The following MTUS2 variants were observed in gnomAD, a reference collection of about 807,000 sequenced individuals.
MTUS2 encodes the protein microtubule associated scaffold protein 2.
A neutral mutation model predicts 114.1 loss-of-function variants in MTUS2; 40 were observed. The observed-to-expected ratio is 0.35, with a 90% CI of 0.27 to 0.46. The LOEUF is 0.46. MTUS2 is among the 20% of genes least tolerant of loss of function. The pLI is 1.00. For missense variants in MTUS2, 1,679 were observed against 1,705.4 expected, an observed-to-expected ratio of 0.98 and a Z score of 0.27; for synonymous variants, 688 against 672.0, an observed-to-expected ratio of 1.02 and a Z score of -0.37.
intron 5 of MTUS2, among the ~76,000 whole-genome samples, chr13:29,130,226 A>G (rs567006912): frequency 9.2e-5 from 14 of 152,250 alleles, no homozygotes; most frequent in Non-Finnish European, 1.8e-4. Flanking sequence ...CTCCACTCCA[A>G]AATCTCCAGC....
chr13:29,103,105 A>T (rs924153810), intron 5 of MTUS2, among the ~76,000 whole-genome samples: 6 of 152,122 alleles, frequency 3.9e-5, no homozygotes, highest in African/African-American at 1.2e-4. Flanking sequence ...TTATTTTCAC[A>T]TAGGATTCAT....
intron 8 of MTUS2, among the ~76,000 whole-genome samples, chr13:29,422,648 CTTTTT>C (rs11342823): frequency 2.9e-5 from 2 of 67,964 alleles, no homozygotes; most frequent in Admixed American, 2.2e-4. Flanking sequence ...GATTTCTTTT[CTTTTT>C]TTTTTTTTTT....
chr13:29,068,236 T>C (rs1489028411), intron 4 of MTUS2, among the ~76,000 whole-genome samples: 1 of 152,246 alleles, frequency 6.6e-6, no homozygotes, highest in East Asian at 1.9e-4. Flanking sequence ...CATTTCTACA[T>C]ATTATTGAAA....
At chr13:29,238,526 G>T (rs553214283) in intron 5 of MTUS2, among the ~76,000 whole-genome samples, 1 of 152,304 alleles carries the variant, frequency 6.6e-6, no homozygotes, top group African/African-American at 2.4e-5. Context: ...TCAAGAATTT[G>T]GAATGTGATG....
At chr13:28,857,892 C>G (rs1876735761) in intron 2 of MTUS2, among the ~76,000 whole-genome samples, 1 of 152,186 alleles carries the variant, frequency 6.6e-6, no homozygotes, top group Non-Finnish European at 1.5e-5. Context: ...TGAGTCTCTG[C>G]TACATGCCCT....
At chr13:29,329,634 AG>A (rs1900682738) in intron 7 of MTUS2, among the ~76,000 whole-genome samples, 1 of 82,402 alleles carries the variant, frequency 1.2e-5, no homozygotes, top group Non-Finnish European at 2.3e-5. Flanking sequence ...TTTTTTTTTG[AG>A]ATGAAGTCTC....
intron 8 of MTUS2, among the ~76,000 whole-genome samples, chr13:29,371,689 C>G (rs1204567540): frequency 6.6e-6 from 1 of 152,064 alleles, no homozygotes; most frequent in Non-Finnish European, 1.5e-5. Flanking sequence ...TAAGAAAATT[C>G]CAATCAAATA....
intron 9 of MTUS2, among the ~76,000 whole-genome samples, chr13:29,471,735 A>T (rs1179525139): frequency 7.3e-6 from 1 of 136,486 alleles, no homozygotes; most frequent in Non-Finnish European, 1.6e-5. Flanking sequence ...TCTGCTCTGC[A>T]GGCCCAGCCC....
chr13:29,485,650 G>A (rs1593502690), intron 10 of MTUS2, among the ~76,000 whole-genome samples: 1 of 152,146 alleles, frequency 6.6e-6, no homozygotes, highest in Admixed American at 6.5e-5. Flanking sequence ...AATGGGCGTG[G>A]TATTCCATCA....
intron 8 of MTUS2, among the ~76,000 whole-genome samples, chr13:29,414,319 G>T (rs1276775723): frequency 3.1e-5 from 3 of 98,102 alleles, no homozygotes; most frequent in Non-Finnish European, 6.0e-5. Flanking sequence ...GTCGGGGGAG[G>T]GGGGAGGGAT....
chr13:29,462,511 GGGT>G lies in MTUS2; in HGVS notation c.3185-17628_3185-17626del, dbSNP rs1879574888. 2.0e-5 allele frequency among the ~76,000 whole-genome samples: 3 copies of G among 152,182 alleles called. No homozygotes were observed. The South Asian group carries it at 6.2e-4, about 32-fold the overall frequency. On this transcript the variant is annotated intron_variant, in intron 9 of 15. Coordinates refer to ENST00000612955, the MANE Select transcript of MTUS2 (RefSeq NM_001033602.4). ...TGAGAGATAGTGGTGGCTGCAGCCA[GGGT>G]GGTGGTGGTGAGGAGGGGAGATGTG...
chr13:28,980,786 T>G (rs1028735842), intron 2 of MTUS2, among the ~76,000 whole-genome samples: 3 of 152,244 alleles, frequency 2.0e-5, no homozygotes, highest in Non-Finnish European at 4.4e-5. Flanking sequence ...TGTTTGTTTG[T>G]TTTTTAGAAC....
At chr13:29,158,358 C>CCCCCCCCCCTT in intron 5 of MTUS2, among the ~76,000 whole-genome samples, 8 of 32,056 alleles carry the variant, frequency 2.5e-4, no homozygotes, top group Non-Finnish European at 4.1e-4. Context: ...GTCCACCCCG[C>CCCCCCCCCCTT]TTTTTTTTTT....
At chr13:29,338,744 A>T (rs1033866894) in intron 7 of MTUS2, among the ~76,000 whole-genome samples, 3 of 152,198 alleles carry the variant, frequency 2.0e-5, no homozygotes, top group Non-Finnish European at 2.9e-5. Flanking sequence ...ACTGATTTCT[A>T]TAATTTTTTT....
intron 2 of MTUS2, among the ~76,000 whole-genome samples, chr13:28,914,985 C>A (rs1237113182): frequency 6.6e-6 from 1 of 151,612 alleles, no homozygotes; most frequent in Non-Finnish European, 1.5e-5. Flanking sequence ...CTATGTGTGT[C>A]TTTGCATATG....
intron 1 of MTUS2, among the ~76,000 whole-genome samples, chr13:28,829,042 A>G (rs1593227502): frequency 2.6e-5 from 4 of 152,372 alleles, no homozygotes; most frequent in South Asian, 4.1e-4. Context: ...CACAATAACA[A>G]TGAAAGCACT....
chr13:28,839,027 A>G (rs1448149610), intron 1 of MTUS2, among the ~76,000 whole-genome samples: 1 of 151,452 alleles, frequency 6.6e-6, no homozygotes, highest in Non-Finnish European at 1.5e-5. Flanking sequence ...TGGAAAAATT[A>G]TGAAATTGCG....
intron 5 of MTUS2, among the ~76,000 whole-genome samples, chr13:29,140,755 G>A (rs561950216): frequency 3.3e-5 from 5 of 152,278 alleles, no homozygotes; most frequent in East Asian, 1.9e-4. Flanking sequence ...GTCATTAGCC[G>A]TATTTTCAGG....
At chr13:28,862,536 C>G (rs926350752) in intron 2 of MTUS2, among the ~76,000 whole-genome samples, 1 of 152,298 alleles carries the variant, frequency 6.6e-6, no homozygotes, top group East Asian at 1.9e-4. Context: ...TCACTTGAAC[C>G]TGGGAGGTGG....
Sources: allele counts gnomAD v4.1 joint callset (sites outside exome capture counted in the v4.1 genomes callset), GRCh38; gene constraint gnomAD v4.1.1; transcripts MANE v1.5; gene names NCBI Gene and HGNC (gene_info 2026-07-23, HGNC 2026-07-21).